Variants in MAP3K7 observed in about 807,000 individuals in gnomAD.
MAP3K7 encodes the protein TGF-beta activated kinase 1.
A neutral mutation model predicts 84.8 loss-of-function variants in MAP3K7; 21 were observed. The observed-to-expected ratio is 0.25, with a 90% CI of 0.18 to 0.36. The LOEUF is 0.36. MAP3K7 is among the 10% of genes least tolerant of loss of function. MAP3K7 has a pLI of 1.00. For synonymous variants in MAP3K7, 241 were observed against 247.7 expected, an observed-to-expected ratio of 0.97 and a Z score of 0.25; for missense variants, 503 against 747.7, an observed-to-expected ratio of 0.67 and a Z score of 3.82.
In MAP3K7 at chr6:90,548,088, G is replaced by A. The variant is rs747046300; in HGVS notation, c.1039C>T (p.Arg347Cys). ...TTTTTCAACAATTTTGATTCTAAGC[G>A]CTTAATAGTATCATTTGTGGCAGGA... ...QVPATNDTIK[R>C]LESKLLKNQA... The change falls in exon 10 of 17, where the codon CGC becomes TGC. Residue 347 changes from arginine to cysteine, a missense_variant. Physicochemically the swap from Arg to Cys is radical, Grantham distance 180. This residue lies in a region of MAP3K7 where 286 missense variants were observed against 313.6 expected (regional missense o/e 0.91). Transcript: ENST00000369329. 14 of 1,611,580 alleles carry A rather than the reference G, an allele frequency of 8.7e-6. No homozygotes were observed. Among genetic ancestry groups the A allele is most frequent in the Admixed American group, 1.7e-5 (1 of 59,714 alleles).
chr6:90,557,901 TACAAGC>T (rs1315049639), intron 5 of MAP3K7, among the ~76,000 whole-genome samples: 1 of 152,150 alleles, frequency 6.6e-6, no homozygotes, highest in Non-Finnish European at 1.5e-5. Flanking sequence ...AAAGATAAAA[TACAAGC>T]ACAAGCACAA....
chr6:90,550,652 C>T, intron 8 of MAP3K7, 103 bp from the exon 9 acceptor site: 1 of 659,740 alleles, frequency 1.5e-6, no homozygotes, highest in Non-Finnish European at 2.5e-6. Flanking sequence ...TTTGTAGGTG[C>T]CTAAGTTTTT....
At chr6:90,549,399 G>A (rs1457399727) in intron 9 of MAP3K7, among the ~76,000 whole-genome samples, 2 of 152,186 alleles carry the variant, frequency 1.3e-5, no homozygotes, top group East Asian at 1.9e-4. Context: ...AAACATGCAC[G>A]TGAGGATAGT....
At chr6:90,518,415 A>AT (rs1271583212) in intron 16 of MAP3K7, 32 bp downstream of exon 16, 1 of 1,147,146 alleles carries the variant, frequency 8.7e-7, no homozygotes, top group East Asian at 2.6e-5. Context: ...ATACTAATGT[A>AT]TTTTTATTTT....
intron 3 of MAP3K7, among the ~76,000 whole-genome samples, chr6:90,562,438 G>A (rs149286029): frequency 0.038 from 5,712 of 152,276 alleles, 132 homozygotes; most frequent in African/African-American, 0.058. Context: ...CCTGCACCTG[G>A]CTCGGAGGGT....
chr6:90,549,860 A>G (rs372202003), intron 9 of MAP3K7, among the ~76,000 whole-genome samples: 1 of 152,212 alleles, frequency 6.6e-6, no homozygotes, highest in African/African-American at 2.4e-5. Flanking sequence ...TTTTCAATAA[A>G]TGCAGGGTAA....
intron 1 of MAP3K7, among the ~76,000 whole-genome samples, chr6:90,576,756 T>C (rs1228893532): frequency 6.6e-6 from 1 of 152,110 alleles, no homozygotes; most frequent in Non-Finnish European, 1.5e-5. Context: ...GACAAGGTAA[T>C]CACTCAAGGC....
At chr6:90,574,033 T>G (rs1250323218) in intron 1 of MAP3K7, among the ~76,000 whole-genome samples, 1 of 152,226 alleles carries the variant, frequency 6.6e-6, no homozygotes, top group Non-Finnish European at 1.5e-5. Context: ...ACCCAGGCTC[T>G]GAAATCCAAC....
chr6:90,531,298 T>C (rs1223387733), intron 13 of MAP3K7, among the ~76,000 whole-genome samples: 1 of 152,192 alleles, frequency 6.6e-6, no homozygotes, highest in African/African-American at 2.4e-5. Context: ...TTACACCCAG[T>C]GTTATTATTT....
chr6:90,536,574 T>G, intron 12 of MAP3K7, 173 bp from the exon 13 acceptor site: 5 of 579,754 alleles, frequency 8.6e-6, no homozygotes, highest in Non-Finnish European at 1.5e-5. Flanking sequence ...GAGAAAGATG[T>G]AAAGAAAGGA....
intron 8 of MAP3K7, 128 bp from the exon 9 acceptor site, chr6:90,550,677 T>C (rs1582201021): frequency 1.8e-6 from 1 of 561,538 alleles, no homozygotes; most frequent in Non-Finnish European, 3.1e-6. Context: ...TTACAAAGAT[T>C]ACAATAATGT....
At chr6:90,553,707 CT>C in intron 6 of MAP3K7, 121 bp from the exon 7 acceptor site, 2 of 693,822 alleles carry the variant, frequency 2.9e-6, no homozygotes, top group Non-Finnish European at 4.8e-6. Context: ...ACATGTAGAA[CT>C]AAGAAACTAC....
At chr6:90,573,246 C>T (rs1368897814) in intron 1 of MAP3K7, among the ~76,000 whole-genome samples, 1 of 152,082 alleles carries the variant, frequency 6.6e-6, no homozygotes, top group African/African-American at 2.4e-5. Flanking sequence ...ATATAAAGCC[C>T]CATGTCGGGA....
At chr6:90,529,300 G>T (rs1308070599) in intron 13 of MAP3K7, among the ~76,000 whole-genome samples, 1 of 152,068 alleles carries the variant, frequency 6.6e-6, no homozygotes, top group Non-Finnish European at 1.5e-5. Context: ...AGTGCACAGG[G>T]CATGCATAAA....
At chr6:90,576,419 T>TCACACACACA (rs11468988) in intron 1 of MAP3K7, among the ~76,000 whole-genome samples, 224 of 136,932 alleles carry the variant, frequency 1.6e-3, no homozygotes, top group East Asian at 4.1e-3. Flanking sequence ...CTAGACTCTG[T>TCACACACACA]CACACACACA....
At chr6:90,568,848 A>C (rs1003632500) in intron 2 of MAP3K7, among the ~76,000 whole-genome samples, 17 of 152,170 alleles carry the variant, frequency 1.1e-4, no homozygotes, top group Admixed American at 5.2e-4. Flanking sequence ...AGCTGGAGAG[A>C]TAGACATCTA....
chr6:90,538,998 G>A (rs1738681470), intron 12 of MAP3K7, among the ~76,000 whole-genome samples: 1 of 151,808 alleles, frequency 6.6e-6, no homozygotes, highest in Non-Finnish European at 1.5e-5. Context: ...CACGAGTTTT[G>A]AATATTACAC....
intron 3 of MAP3K7, among the ~76,000 whole-genome samples, chr6:90,564,550 G>C (rs1050934881): frequency 6.6e-6 from 1 of 152,110 alleles, no homozygotes; most frequent in African/African-American, 2.4e-5. Flanking sequence ...CCCAATACAG[G>C]AGCACCCAGA....
chr6:90,550,459 T>A lies in MAP3K7; in HGVS notation c.949+9A>T. 6.3e-7 allele frequency: 1 copy of A among 1,576,224 alleles called. No individual in the cohort carries two copies. Among genetic ancestry groups the A allele is most frequent in the Non-Finnish European group, 8.7e-7 (1 of 1,149,066 alleles). ...ATCAAGTCAATACTCTTCCAATCTA[T>A]CCATTTACCTGTACTGGTGGCAGAG... On this transcript the variant is annotated intron_variant, in intron 9 of 16. Transcript: ENST00000369329.
Sources: allele counts gnomAD v4.1 joint callset (sites outside exome capture counted in the v4.1 genomes callset), GRCh38; gene constraint gnomAD v4.1.1; regional missense constraint gnomAD v4.1.1; transcripts MANE v1.5; gene names NCBI Gene and HGNC (gene_info 2026-07-23, HGNC 2026-07-21).